Variants in ATP4B observed in about 807,000 individuals in gnomAD.
ATP4B encodes ATPase H+/K+ transporting subunit beta.
Under a neutral mutation model 35.3 loss-of-function variants are expected in ATP4B, and 27 were observed. That is an observed-to-expected ratio of 0.76 (90% CI 0.56 to 1.05). The LOEUF (loss-of-function observed/expected upper bound fraction) is 1.05, where lower values mean the gene tolerates loss of function less well. Ranked by LOEUF, ATP4B falls within the 50% of genes least tolerant of loss-of-function variation. ATP4B has a pLI of 0.00. For synonymous variants in ATP4B, 162 were observed against 156.0 expected, an observed-to-expected ratio of 1.04 and a Z score of -0.29; for missense variants, 375 against 384.8, an observed-to-expected ratio of 0.97 and a Z score of 0.21.
Position 113,658,040 on chromosome 13 carries a change from G to T in ATP4B, c.105C>A (p.Ser35=). 6.2e-7 allele frequency: 1 copy of T among 1,601,384 alleles called. No homozygotes were observed. Among genetic ancestry groups the T allele is most frequent in the South Asian group, 1.1e-5 (1 of 89,512 alleles). ...DTGQMLGRTL[S]RWVWISLYYV... ...CCCGCCCCCCGCACGTACCCCACCG[G>T]GACAGGGTGCGGCCCAGCATCTGCC... The change falls in exon 1 of 7, where the codon TCC becomes TCA. Residue 35 remains serine (S), a synonymous_variant. Coordinates refer to ENST00000335288, the MANE Select transcript of ATP4B (RefSeq NM_000705.4).
chr13:113,649,078 GT>G lies in ATP4B; in HGVS notation c.*295del. The G allele has an allele frequency of 4.0e-6, 1 of 249,656 alleles. No individual in the cohort carries two copies. The highest frequency in any genetic ancestry group is 7.9e-6 in the Non-Finnish European group (1 of 126,762). The allele number at this position is 249,656 out of a possible 1,614,324, so 15.5% of individuals were successfully genotyped here. ...GTGATGTCTACATAGAAGACGAATCGTTTTTATGACCTGGTTAATTAGAGAG... is the reference window on the plus strand; with the variant it reads ...GTGATGTCTACATAGAAGACGAATCGTTTTATGACCTGGTTAATTAGAGAG... On this transcript the variant is annotated 3_prime_UTR_variant, in exon 7 of 7. Transcript: ENST00000335288. The surrounding 1 kb of genome is among the most constrained non-coding windows in gnomAD (Gnocchi z 4.7).
intron 1 of ATP4B, among the ~76,000 whole-genome samples, chr13:113,657,426 CCT>C (rs1314140762): frequency 2.6e-5 from 4 of 152,238 alleles, no homozygotes; most frequent in Admixed American, 1.3e-4. Flanking sequence ...GCTTCCACCA[CCT>C]GTGTGGCCTT....
Position 113,653,440 on chromosome 13 carries a change from G to A in ATP4B, c.242-6C>T, listed in dbSNP as rs755561448. On this transcript the variant is annotated splice_region_variant and splice_polypyrimidine_tract_variant and intron_variant, in intron 2 of 6. Coordinates refer to ENST00000335288, the MANE Select transcript of ATP4B (RefSeq NM_000705.4). Reference sequence around the variant, plus strand: ...ATCCGGCCTTAAGGTTACCCCTGGAGAGAGAGACCTTTGTGCTTAGCGTCT... The same window carrying A: ...ATCCGGCCTTAAGGTTACCCCTGGAAAGAGAGACCTTTGTGCTTAGCGTCT... 2 of 1,610,806 alleles carry A rather than the reference G, an allele frequency of 1.2e-6. No individual in the cohort carries two copies. Among genetic ancestry groups the A allele is most frequent in the Non-Finnish European group, 1.7e-6 (2 of 1,176,910 alleles).
At chr13:113,657,020 G>T (rs992968171) in intron 1 of ATP4B, among the ~76,000 whole-genome samples, 7 of 152,196 alleles carry the variant, frequency 4.6e-5, no homozygotes, top group African/African-American at 1.7e-4. Flanking sequence ...CTTCAAATGC[G>T]CCCATGACTC....
At chr13:113,655,228 C>T (rs970856772) in intron 1 of ATP4B, among the ~76,000 whole-genome samples, 4 of 152,206 alleles carry the variant, frequency 2.6e-5, no homozygotes, top group African/African-American at 7.2e-5. Context: ...TCACTCCAGC[C>T]GCTGTTTGAG....
At chr13:113,657,937 G>C in intron 1 of ATP4B, 96 bp downstream of exon 1, 1 of 1,028,788 alleles carries the variant, frequency 9.7e-7, no homozygotes, top group South Asian at 1.5e-5. Flanking sequence ...CTCACTGTCA[G>C]GGGCCCTCTG....
chr13:113,654,658 C>T (rs565331269), intron 2 of ATP4B, among the ~76,000 whole-genome samples, 156 bp downstream of exon 2: 2 of 152,378 alleles, frequency 1.3e-5, no homozygotes, highest in African/African-American at 4.8e-5. Flanking sequence ...CCCTCGGGGG[C>T]ACCTGCTGGG....
chr13:113,656,671 G>A (rs533270054), intron 1 of ATP4B, among the ~76,000 whole-genome samples: 19 of 152,304 alleles, frequency 1.2e-4, no homozygotes, highest in Non-Finnish European at 1.5e-4. Flanking sequence ...TAAGAATAAC[G>A]TGTCCTATTC....
At position 113,651,542 on chromosome 13, in the gene ATP4B, G is replaced by A. The variant is rs1054305901; in HGVS notation, c.612+129C>T. On this transcript the variant is annotated intron_variant, in intron 5 of 6. Coordinates refer to ENST00000335288, the MANE Select transcript of ATP4B (RefSeq NM_000705.4). ...GCTGTGGTGATGGTTCGGTGTTTAC[G>A]TCTGGTTTACTGGGCCGACGGCTGA... The A allele has an allele frequency of 1.7e-4, 188 of 1,075,514 alleles. 2 individuals are homozygous for A. The East Asian group carries it at 5.0e-3, about 29-fold the overall frequency. 66.6% of individuals were successfully genotyped at this position (1,075,514 alleles called of 1,614,324 possible).
At position 113,651,706 on chromosome 13, in the gene ATP4B, T is replaced by C. The variant is rs773125482; in HGVS notation, c.577A>G (p.Asn193Asp). ...CAGTCCACTCTGGGGGCCGAGCCGTTGCTGGGGAGGAACTTGACGATCTAG... is the reference window on the plus strand; with the variant it reads ...CAGTCCACTCTGGGGGCCGAGCCGTCGCTGGGGAGGAACTTGACGATCTAG... ...MNRIVKFLPS[N>D]GSAPRVDCAF... Residue 193 changes from asparagine (N) to aspartate (D), a missense_variant, in exon 5 of 7, where the codon AAC (asparagine) becomes GAC (aspartate). By Grantham distance (23) the Asn-to-Asp change is conservative. Coordinates refer to ENST00000335288, the MANE Select transcript of ATP4B (RefSeq NM_000705.4). 1 of 1,613,858 alleles carries C rather than the reference T, an allele frequency of 6.2e-7. No individual in the cohort carries two copies. Among genetic ancestry groups the C allele is most frequent in the South Asian group, 1.1e-5 (1 of 91,040 alleles).
chr13:113,654,287 C>T (rs1185242996), intron 2 of ATP4B, among the ~76,000 whole-genome samples: 2 of 152,242 alleles, frequency 1.3e-5, no homozygotes, highest in African/African-American at 2.4e-5. Flanking sequence ...TGCACTTGCT[C>T]TGCACACCGA....
chr13:113,656,275 T>TA (rs1212620780), intron 1 of ATP4B, among the ~76,000 whole-genome samples: 1 of 152,212 alleles, frequency 6.6e-6, no homozygotes. Context: ...CCCGGGGACC[T>TA]ACGCTCGTGA....
intron 4 of ATP4B, among the ~76,000 whole-genome samples, chr13:113,651,938 A>C (rs1594561361): frequency 6.7e-6 from 1 of 149,150 alleles, no homozygotes; most frequent in African/African-American, 2.5e-5. Context: ...CCCTCCCCCC[A>C]CCCACCCATC....
intron 1 of ATP4B, among the ~76,000 whole-genome samples, chr13:113,656,483 G>A (rs1473184759): frequency 1.3e-5 from 2 of 152,190 alleles, no homozygotes; most frequent in Non-Finnish European, 2.9e-5. Flanking sequence ...CCAGGCTCGG[G>A]AGGGCCATGC....
At chr13:113,652,139 C>T (rs2049717398) in intron 4 of ATP4B, among the ~76,000 whole-genome samples, 1 of 152,240 alleles carries the variant, frequency 6.6e-6, no homozygotes, top group Non-Finnish European at 1.5e-5. Flanking sequence ...AGCCCCCTTC[C>T]CCACACCTCT....
chr13:113,653,106 C>G (rs1270111023), intron 3 of ATP4B, 34 bp from the exon 4 acceptor site: 1 of 1,587,224 alleles, frequency 6.3e-7, no homozygotes, highest in Non-Finnish European at 8.6e-7. Flanking sequence ...CCCTGTCCTG[C>G]CCTGGCCCTG....
chr13:113,654,669 G>A, intron 2 of ATP4B, 145 bp downstream of exon 2: 1 of 1,297,084 alleles, frequency 7.7e-7, no homozygotes, highest in Non-Finnish European at 1.0e-6. Context: ...ACCTGCTGGG[G>A]TGTGTGGCTC....
At chr13:113,655,566 G>A (rs2049747178) in intron 1 of ATP4B, among the ~76,000 whole-genome samples, 1 of 152,164 alleles carries the variant, frequency 6.6e-6, no homozygotes, top group Admixed American at 6.5e-5. Flanking sequence ...AGAACCTAAC[G>A]GAAGCCACCG....
At position 113,652,998 on chromosome 13, in the gene ATP4B, C is replaced by G; in HGVS notation, c.430G>C (p.Ala144Pro). ...EQYFFQESFR[A>P]PNHTKFSCKF... ...CAGGAGAACTTGGTGTGGTTGGGAG[C>G]GCGGAAACTCTCCTGGAAGAAGTAC... Residue 144 changes from alanine to proline, a missense_variant, in exon 4 of 7, where the codon GCT becomes CCT. Physicochemically the swap from Ala to Pro is conservative, Grantham distance 27. Transcript: ENST00000335288. 6.2e-7 allele frequency: 1 copy of G among 1,614,086 alleles called. No homozygotes were observed. The highest frequency in any genetic ancestry group is 2.2e-5 in the East Asian group (1 of 44,874).
Sources: gnomAD v4.1 joint callset for allele counts (sites outside exome capture counted in the v4.1 genomes callset) on GRCh38, gnomAD v4.1.1 for gene constraint, Gnocchi (gnomAD v3.1) non-coding constraint, MANE v1.5 for transcripts, NCBI Gene and HGNC (gene_info 2026-07-23, HGNC 2026-07-21) for gene names.